The following ASCL2 variants were observed in gnomAD, a reference collection of about 807,000 sequenced individuals.
ASCL2 encodes achaete-scute homolog 2.
ASCL2 carries 6 observed loss-of-function variants against 5.1 expected under a neutral mutation model. The observed-to-expected ratio is 1.17, with a 90% CI of 0.64 to 2.31. The LOEUF (loss-of-function observed/expected upper bound fraction) is 2.31, where lower values mean the gene tolerates loss of function less well. Ranked by LOEUF, ASCL2 falls within the 30% of genes most tolerant of loss-of-function variation. ASCL2 has a pLI of 0.00. For synonymous variants in ASCL2, 174 were observed against 157.3 expected (o/e 1.11, Z -0.80); for missense variants, 320 against 310.3 (o/e 1.03, Z -0.23).
At position 2,268,901 on chromosome 11, in the gene ASCL2, G is replaced by C. The variant is rs763712860; in HGVS notation, c.*244C>G. 6.6e-6 allele frequency: 1 copy of C among 152,194 alleles called. No homozygotes were observed. Among genetic ancestry groups the C allele is most frequent in the Non-Finnish European group, 1.5e-5 (1 of 68,050 alleles). The allele number at this position is 152,194 out of a possible 1,614,324, so 9.4% of individuals were successfully genotyped here. On this transcript the variant is annotated 3_prime_UTR_variant, in exon 2 of 2. Transcript: ENST00000331289. The surrounding 1 kb of genome is among the most constrained non-coding windows in gnomAD (Gnocchi z 4.5). ...GCCCCACTGCAGTCGAGAAGCTGTG[G>C]GGAGGGGCGGCGTCGGAGGAAGCCG...
In ASCL2 at chr11:2,270,268, G is replaced by T; in HGVS notation, c.65C>A (p.Ala22Asp). The change falls in exon 1 of 2, where the codon GCC becomes GAC. Residue 22 changes from alanine (A) to aspartate (D), a missense_variant. Transcript: ENST00000331289. ...TTCCGGGGACGCGGGTCTCCGCCGG[G>T]CAGCGCAGCCGACAGGGACGGGGGG... is the stretch of plus-strand genomic sequence containing the variant. ...PAPPVPVGCA[A>D]RRRPASPELL... 1 of 1,371,784 alleles carries T rather than the reference G, an allele frequency of 7.3e-7. No individual in the cohort carries two copies. Among genetic ancestry groups the T allele is most frequent in the Middle Eastern group, 2.6e-4 (1 of 3,802 alleles). 85.0% of individuals were successfully genotyped at this position (1,371,784 alleles called of 1,614,324 possible). A position where few individuals can be genotyped will look rare whatever the true frequency, so the allele number is the denominator to read the frequency against.
At position 2,270,198 on chromosome 11, in the gene ASCL2, G is replaced by A. The variant is rs1468046086; in HGVS notation, c.135C>T (p.Thr45=). The change falls in exon 1 of 2, where the codon ACC becomes ACT. Residue 45 remains threonine (T), a synonymous_variant. Transcript: ENST00000331289. The part of the protein sequence containing the change: ...SRRRRPATAE[T]GGGAAAVARR... The stretch of plus-strand genomic sequence containing the variant: ...GCGCTACGGCCGCTGCGCCGCCTCC[G>A]GTCTCTGCGGTGGCCGGTCGCCGCC... 1.3e-6 allele frequency: 2 copies of A among 1,483,136 alleles called. No individual in the cohort carries two copies. Among genetic ancestry groups the A allele is most frequent in the African/African-American group, 2.9e-5 (2 of 68,760 alleles). The allele number at this position is 1,483,136 out of a possible 1,614,324, so 91.9% of individuals were successfully genotyped here. A position where few individuals can be genotyped will look rare whatever the true frequency, so the allele number is the denominator to read the frequency against.
At chr11:2,269,609 A>G (rs1847224385) in intron 1 of ASCL2, 124 bp downstream of exon 1, 2 of 834,904 alleles carry the variant, frequency 2.4e-6, no homozygotes, top group Non-Finnish European at 3.3e-6. Context: ...GCGAAATCGA[A>G]GCCATCGCTC....
In ASCL2 at chr11:2,269,739, G is replaced by A. The variant is rs1419284576; in HGVS notation, c.*12C>T. On this transcript the variant is annotated 3_prime_UTR_variant, in exon 1 of 2. Coordinates refer to ENST00000331289, the MANE Select transcript of ASCL2 (RefSeq NM_005170.3). Reference sequence around the variant, plus strand: ...CCTGCCTCCCGGCTGTTACCTCATAGGTCGAGGGCGCTCAGTAGCCCCCTA... The same window carrying A: ...CCTGCCTCCCGGCTGTTACCTCATAAGTCGAGGGCGCTCAGTAGCCCCCTA... 7.3e-7 allele frequency: 1 copy of A among 1,365,534 alleles called. No homozygotes were observed. Among genetic ancestry groups the A allele is most frequent in the East Asian group, 3.2e-5 (1 of 31,626 alleles). 84.6% of individuals were successfully genotyped at this position (1,365,534 alleles called of 1,614,324 possible).
chr11:2,269,767 C>T lies in ASCL2; in HGVS notation c.566G>A (p.Trp189Ter), dbSNP rs1847227136. 1 of 1,445,668 alleles carries T rather than the reference C, an allele frequency of 6.9e-7. No individual in the cohort carries two copies. Among genetic ancestry groups the T allele is most frequent in the South Asian group, 1.4e-5 (1 of 71,986 alleles). The allele number at this position is 1,445,668 out of a possible 1,614,324, so 89.6% of individuals were successfully genotyped here. A position where few individuals can be genotyped will look rare whatever the true frequency, so the allele number is the denominator to read the frequency against. Residue 189 changes from tryptophan (W) to a stop codon, truncating the protein, a stop_gained, in exon 1 of 2, where the codon TGG becomes TAG. Coordinates refer to ENST00000331289, the MANE Select transcript of ASCL2 (RefSeq NM_005170.3). LOFTEE classifies it low-confidence loss of function (END_TRUNC). ...AERELLDFSS[W>*]LGGY is the part of the protein sequence containing the mutation. ...CGAGGGCGCTCAGTAGCCCCCTAAC[C>T]AGCTGGAGAAGTCGAGTAGCTCGCG...
chr11:2,269,167 G>C (rs892426280), intron 1 of ASCL2, 41 bp from the exon 2 acceptor site: 1 of 151,990 alleles, frequency 6.6e-6, no homozygotes, highest in Non-Finnish European at 1.5e-5. Flanking sequence ...CGTCAACGCG[G>C]GCGCGGGCCC....
Position 2,268,818 on chromosome 11 carries a change from C to G in ASCL2, c.*327G>C, listed in dbSNP as rs987413483. 6.6e-6 allele frequency: 1 copy of G among 152,250 alleles called. No individual in the cohort carries two copies. The highest frequency in any genetic ancestry group is 2.4e-5 in the African/African-American group (1 of 41,454). 9.4% of individuals were successfully genotyped at this position (152,250 alleles called of 1,614,324 possible). On this transcript the variant is annotated 3_prime_UTR_variant, in exon 2 of 2. Transcript: ENST00000331289. The surrounding 1 kb of genome is among the most constrained non-coding windows in gnomAD (Gnocchi z 4.5). ...AGTTAATGTGTAGAAAATGGATTCTCTGTGCCCTTAGAAAATCCTCTCCCC... is the reference window on the plus strand; with the variant it reads ...AGTTAATGTGTAGAAAATGGATTCTGTGTGCCCTTAGAAAATCCTCTCCCC...
In ASCL2 at chr11:2,270,295, G is replaced by T; in HGVS notation, c.38C>A (p.Ala13Glu). ...GGTLPRSAPP[A>E]PPVPVGCAAR... ...AGCGCAGCCGACAGGGACGGGGGGC[G>T]CAGGGGGCGCGGACCTGGGCAGTGT... The change falls in exon 1 of 2, where the codon GCG (alanine) becomes GAG (glutamate). Residue 13 changes from alanine to glutamate, a missense_variant. Ala to Glu is a moderately radical substitution (Grantham distance 107). Transcript: ENST00000331289. 7.5e-7 allele frequency: 1 copy of T among 1,337,090 alleles called. No homozygotes were observed. The highest frequency in any genetic ancestry group is 9.5e-7 in the Non-Finnish European group (1 of 1,051,596). The allele number at this position is 1,337,090 out of a possible 1,614,324, so 82.8% of individuals were successfully genotyped here. A position where few individuals can be genotyped will look rare whatever the true frequency, so the allele number is the denominator to read the frequency against.
In ASCL2 at chr11:2,270,026, G is replaced by C. The variant is rs1847230898; in HGVS notation, c.307C>G (p.Gln103Glu). 9.2e-6 allele frequency: 13 copies of C among 1,414,248 alleles called. No homozygotes were observed. Among genetic ancestry groups the C allele is most frequent in the Non-Finnish European group, 1.2e-5 (13 of 1,081,822 alleles). 87.6% of individuals were successfully genotyped at this position (1,414,248 alleles called of 1,614,324 possible). The change falls in exon 1 of 2, where the codon CAG becomes GAG. Residue 103 changes from glutamine to glutamate, a missense_variant. Gln to Glu is a conservative substitution (Grantham distance 29). Coordinates refer to ENST00000331289, the MANE Select transcript of ASCL2 (RefSeq NM_005170.3). ...GCGTCGTGCTCGGCCAGCAGGCGCTGCAGCGCGCGGATGTACTCCACGGCT... is the reference window on the plus strand; with the variant it reads ...GCGTCGTGCTCGGCCAGCAGGCGCTCCAGCGCGCGGATGTACTCCACGGCT... ...RSAVEYIRAL[Q>E]RLLAEHDAVR...
chr11:2,270,184 G>C lies in ASCL2; in HGVS notation c.149C>G (p.Ala50Gly), dbSNP rs747062250. The C allele has an allele frequency of 3.1e-5, 47 of 1,501,776 alleles. No homozygotes were observed. The highest frequency in any genetic ancestry group is 3.7e-5 in the Non-Finnish European group (42 of 1,133,046). The allele number at this position is 1,501,776 out of a possible 1,614,324, so 93.0% of individuals were successfully genotyped here. The change falls in exon 1 of 2, where the codon GCG (alanine) becomes GGG (glycine). Residue 50 changes from alanine to glycine, a missense_variant. Physicochemically the swap from Ala to Gly is moderately conservative, Grantham distance 60. Transcript: ENST00000331289. ...GCGCTCATTGCGCCGCGCTACGGCC[G>C]CTGCGCCGCCTCCGGTCTCTGCGGT... ...PATAETGGGA[A>G]AVARRNERER...
chr11:2,269,625 TG>T, intron 1 of ASCL2, 107 bp downstream of exon 1: 1 of 1,035,104 alleles, frequency 9.7e-7, no homozygotes, highest in Non-Finnish European at 1.3e-6. Flanking sequence ...CGCTCGGGCC[TG>T]GCGCTCGGCT....
intron 1 of ASCL2, 90 bp downstream of exon 1, chr11:2,269,643 G>A: frequency 8.6e-7 from 1 of 1,164,582 alleles, no homozygotes; most frequent in Non-Finnish European, 1.1e-6. Context: ...GGCTCCGCGG[G>A]CTCCTGGGGG....
rs541620914 is a variant in ASCL2 at position 2,270,583 on chromosome 11, G to C, written c.-251C>G. On this transcript the variant is annotated 5_prime_UTR_variant, in exon 1 of 2. Transcript: ENST00000331289. ...CGCGCGTGCGGCCGGACTCTCCCAG[G>C]TCTCCGCAGGCGCGGCGCAGGCGGC... 3.2e-4 allele frequency: 188 copies of C among 595,784 alleles called. No individual in the cohort carries two copies. The African/African-American group carries it at 3.4e-3, about 11-fold the overall frequency. 36.9% of individuals were successfully genotyped at this position (595,784 alleles called of 1,614,324 possible). A position where few individuals can be genotyped will look rare whatever the true frequency, so the allele number is the denominator to read the frequency against.
At position 2,270,075 on chromosome 11, in the gene ASCL2, C is replaced by T; in HGVS notation, c.258G>A (p.Leu86=). Residue 86 remains leucine, a synonymous_variant, in exon 1 of 2, where the codon CTG becomes CTA. Coordinates refer to ENST00000331289, the MANE Select transcript of ASCL2 (RefSeq NM_005170.3). ...HVPHGGASKK[L]SKVETLRSAV... ...CTGAGCGCAGCGTCTCCACCTTGCTCAGCTTCTTGCTGGCGCCGCCGTGCG... is the reference window on the plus strand; with the variant it reads ...CTGAGCGCAGCGTCTCCACCTTGCTTAGCTTCTTGCTGGCGCCGCCGTGCG... 5 of 1,493,974 alleles carry T rather than the reference C, an allele frequency of 3.3e-6. No individual in the cohort carries two copies. Among genetic ancestry groups the T allele is most frequent in the Non-Finnish European group, 4.4e-6 (5 of 1,125,538 alleles). The allele number at this position is 1,493,974 out of a possible 1,614,324, so 92.5% of individuals were successfully genotyped here.
rs754330551 is a variant in ASCL2, at chr11:2,270,256, G to C, written c.77C>G (p.Pro26Arg). The change falls in exon 1 of 2, where the codon CCC (proline) becomes CGC (arginine). Residue 26 changes from proline (P) to arginine (R), a missense_variant. Transcript: ENST00000331289. Reference protein sequence around the residue: ...VPVGCAARRRPASPELLRCSR... With the variant: ...VPVGCAARRRRASPELLRCSR... ...GCAGCGCAACAGTTCCGGGGACGCG[G>C]GTCTCCGCCGGGCAGCGCAGCCGAC... The C allele has an allele frequency of 1.1e-4, 149 of 1,402,968 alleles. No individual in the cohort carries two copies. The highest frequency in any genetic ancestry group is 2.5e-4 in the Middle Eastern group (1 of 3,996). The allele number at this position is 1,402,968 out of a possible 1,614,324, so 86.9% of individuals were successfully genotyped here.
rs1187184878 is a variant in ASCL2 at position 2,270,030 on chromosome 11, C to G, written c.303G>C (p.Ala101=). The G allele has an allele frequency of 2.1e-5, 30 of 1,418,592 alleles. No homozygotes were observed. Among genetic ancestry groups the G allele is most frequent in the Non-Finnish European group, 2.7e-5 (29 of 1,083,930 alleles). The allele number at this position is 1,418,592 out of a possible 1,614,324, so 87.9% of individuals were successfully genotyped here. Residue 101 remains alanine, a synonymous_variant, in exon 1 of 2, where the codon GCG becomes GCC. Transcript: ENST00000331289. The part of the protein sequence containing the change: ...TLRSAVEYIR[A]LQRLLAEHDA... ...CGTGCTCGGCCAGCAGGCGCTGCAG[C>G]GCGCGGATGTACTCCACGGCTGAGC...
At chr11:2,269,415 A>C (rs1189114283) in intron 1 of ASCL2, among the ~76,000 whole-genome samples, 6 of 150,810 alleles carry the variant, frequency 4.0e-5, no homozygotes, top group Non-Finnish European at 7.4e-5. Flanking sequence ...CCCCGCCTCC[A>C]GCACCCCAAT....
Position 2,270,235 on chromosome 11 carries a change from C to T in ASCL2, c.98G>A (p.Arg33His), listed in dbSNP as rs536039373. Residue 33 changes from arginine to histidine, a missense_variant, in exon 1 of 2, where the codon CGC becomes CAC. Coordinates refer to ENST00000331289, the MANE Select transcript of ASCL2 (RefSeq NM_005170.3). ...GGCCGGTCGCCGCCGCCGGCTGCAGCGCAACAGTTCCGGGGACGCGGGTCT... is the reference window on the plus strand; with the variant it reads ...GGCCGGTCGCCGCCGCCGGCTGCAGTGCAACAGTTCCGGGGACGCGGGTCT... ...RRRPASPELL[R>H]CSRRRRPATA... The T allele has an allele frequency of 2.9e-5, 42 of 1,440,430 alleles. No individual in the cohort carries two copies. In the South Asian group the frequency reaches 5.4e-4, roughly 18 times the overall value. 89.2% of individuals were successfully genotyped at this position (1,440,430 alleles called of 1,614,324 possible).
In ASCL2 at chr11:2,269,808, C is replaced by T; in HGVS notation, c.525G>A (p.Ala175=). ...YSSDDSGCEG[A]LSPAERELLD... The stretch of plus-strand genomic sequence containing the variant: ...GTAGCTCGCGCTCCGCAGGACTCAG[C>T]GCGCCTTCGCAGCCGCTGTCGTCCG... Residue 175 remains alanine (A), a synonymous_variant, in exon 1 of 2, where the codon GCG becomes GCA. Transcript: ENST00000331289. 1.4e-6 allele frequency: 2 copies of T among 1,433,224 alleles called. No homozygotes were observed. The highest frequency in any genetic ancestry group is 1.8e-6 in the Non-Finnish European group (2 of 1,086,604). 88.8% of individuals were successfully genotyped at this position (1,433,224 alleles called of 1,614,324 possible).
Sources: gnomAD v4.1 joint callset for allele counts (sites outside exome capture counted in the v4.1 genomes callset) on GRCh38, gnomAD v4.1.1 for gene constraint, Gnocchi (gnomAD v3.1) non-coding constraint, MANE v1.5 for transcripts, NCBI Gene and HGNC (gene_info 2026-07-23, HGNC 2026-07-21) for gene names.